Variants in TENM2 observed in about 807,000 individuals in gnomAD.
TENM2 encodes teneurin-2.
In TENM2, 52 loss-of-function variants were observed where a neutral mutation model predicts 245.2. The observed-to-expected ratio is 0.21, with a 90% CI of 0.17 to 0.27. TENM2 has a LOEUF of 0.27. Among genes scored for constraint, TENM2 ranks in the 10% least tolerant of loss-of-function variants. TENM2 has a pLI of 1.00. For synonymous variants in TENM2, 1,363 were observed against 1,438.9 expected (o/e 0.95, Z 1.19); for missense variants, 3,046 against 3,666.8 (o/e 0.83, Z 4.37).
chr5:167,054,263 G>A, the TENM2 span, among the ~76,000 whole-genome samples: 2 of 152,240 alleles, frequency 1.3e-5, no homozygotes, highest in Middle Eastern at 3.4e-3. Context: ...CATTTCTTCA[G>A]CGTTGTATAG....
chr5:167,742,722 A>T lies in TENM2; in HGVS notation c.503-133264A>T, dbSNP rs117180513. Among the ~76,000 whole-genome samples the T allele has an allele frequency of 1.3e-3, 205 of 152,148 alleles. 2 individuals carry two copies. In the East Asian group the frequency reaches 0.028, roughly 21 times the overall value. On this transcript the variant is annotated intron_variant, in intron 2 of 28. Coordinates refer to ENST00000518659, the Ensembl canonical transcript of TENM2. The stretch of plus-strand genomic sequence containing the variant: ...TGCCTAAGCTTTGGTAGGCTGAAGC[A>T]GAAGTATCACTTGAGGCCAGGAGTT...
chr5:167,111,252 A>T, the TENM2 span, among the ~76,000 whole-genome samples: 1 of 152,206 alleles, frequency 6.6e-6, no homozygotes, highest in Admixed American at 6.5e-5. Context: ...TTAATAACCC[A>T]GAGATCAAAA....
intron 2 of TENM2, among the ~76,000 whole-genome samples, chr5:167,872,532 GAAAGAAAGAAAGAAAGAGAAAGAA>G (rs1302359602): frequency 4.6e-3 from 234 of 51,026 alleles, no homozygotes; most frequent in African/African-American, 0.012. Context: ...AAGAAAGAAA[GAAAGAAAGAAAGAAAGAGAAAGAA>G]AGAAAGAAAG....
At chr5:167,097,557 ATT>A in the TENM2 span, among the ~76,000 whole-genome samples, 2 of 152,114 alleles carry the variant, frequency 1.3e-5, no homozygotes, top group Non-Finnish European at 1.5e-5. Context: ...GTTATAATCC[ATT>A]TTGTGTATTT....
At position 168,203,841 on chromosome 5, in the gene TENM2, A is replaced by T; in HGVS notation, c.3574+9A>T. On this transcript the variant is annotated intron_variant, in intron 18 of 28. Coordinates refer to ENST00000518659, the Ensembl canonical transcript of TENM2. ...CCTCAATGTTAAAAGTGGTACGTGA[A>T]CACATCTTCTTTCCCAAATACAGCC... 6.3e-7 allele frequency: 1 copy of T among 1,595,378 alleles called. No homozygotes were observed. The highest frequency in any genetic ancestry group is 1.7e-4 in the Middle Eastern group (1 of 5,982).
the TENM2 span, among the ~76,000 whole-genome samples, chr5:167,119,865 A>C: frequency 1.3e-5 from 2 of 152,212 alleles, no homozygotes; most frequent in Non-Finnish European, 1.5e-5. Context: ...GAGAATGTGA[A>C]ATATGATACA....
intron 2 of TENM2, among the ~76,000 whole-genome samples, chr5:167,853,407 G>A (rs1200273992): frequency 2.6e-5 from 4 of 151,186 alleles, no homozygotes; most frequent in Non-Finnish European, 5.9e-5. Flanking sequence ...TAGAACTCTC[G>A]TGAGACAACC....
At chr5:167,643,420 T>C (rs1268782221) in intron 2 of TENM2, among the ~76,000 whole-genome samples, 1 of 152,240 alleles carries the variant, frequency 6.6e-6, no homozygotes, top group Non-Finnish European at 1.5e-5. Context: ...GTAATCTTTT[T>C]TGTGGTTTAA....
At chr5:167,459,911 AACACACAC>A (rs57053799) in intron 2 of TENM2, among the ~76,000 whole-genome samples, 17 of 149,574 alleles carry the variant, frequency 1.1e-4, no homozygotes, top group Admixed American at 6.7e-4. Context: ...TATAAAGATA[AACACACAC>A]ACACACACAC....
Position 168,170,232 on chromosome 5 carries a change from G to A in TENM2, c.2569+7475G>A, listed in dbSNP as rs144781066. ...AAAAAAGATAGAACCAGCTGCGCACGGTGGCTCACACCTGTAATCCCAGCA... is the reference window on the plus strand; with the variant it reads ...AAAAAAGATAGAACCAGCTGCGCACAGTGGCTCACACCTGTAATCCCAGCA... On this transcript the variant is annotated intron_variant, in intron 13 of 28. Transcript: ENST00000518659. Among the ~76,000 whole-genome samples the A allele has an allele frequency of 2.5e-3, 376 of 152,276 alleles. 2 individuals carry two copies. The highest frequency in any genetic ancestry group is 8.6e-3 in the African/African-American group (359 of 41,554).
chr5:167,520,558 A>C (rs1770685491), intron 2 of TENM2, among the ~76,000 whole-genome samples: 1 of 152,132 alleles, frequency 6.6e-6, no homozygotes, highest in African/African-American at 2.4e-5. Flanking sequence ...AAGATGAAAG[A>C]GAGGGCTGAT....
At chr5:168,013,184 C>T (rs1785383287) in intron 5 of TENM2, among the ~76,000 whole-genome samples, 1 of 152,096 alleles carries the variant, frequency 6.6e-6, no homozygotes, top group Non-Finnish European at 1.5e-5. Flanking sequence ...TATGTCTATC[C>T]CTTGTTTCAA....
At chr5:168,047,607 C>A in intron 6 of TENM2, 58 bp downstream of exon 8, 2 of 1,525,996 alleles carry the variant, frequency 1.3e-6, no homozygotes, top group Non-Finnish European at 1.8e-6. Context: ...TGAGCTCTCG[C>A]CAGCTGGTTC....
At chr5:167,672,559 C>A (rs1756027441) in intron 2 of TENM2, among the ~76,000 whole-genome samples, 1 of 152,048 alleles carries the variant, frequency 6.6e-6, no homozygotes, top group African/African-American at 2.4e-5. Flanking sequence ...TCCTCTTAGG[C>A]TTTCAGTAGA....
At chr5:168,062,380 T>C (rs865803446) in intron 7 of TENM2, 115 bp downstream of exon 9, 4 of 864,786 alleles carry the variant, frequency 4.6e-6, no homozygotes, top group South Asian at 1.8e-5. Flanking sequence ...AGATGGACAA[T>C]AAAAATGTTG....
intron 2 of TENM2, among the ~76,000 whole-genome samples, chr5:167,561,126 A>G (rs1201592349): frequency 6.6e-6 from 1 of 152,216 alleles, no homozygotes; most frequent in African/African-American, 2.4e-5. Context: ...CCTCTCAAAT[A>G]TTAATGTTGA....
chr5:167,362,974 A>G (rs1375279510), intron 1 of TENM2, among the ~76,000 whole-genome samples: 1 of 152,198 alleles, frequency 6.6e-6, no homozygotes, highest in Non-Finnish European at 1.5e-5. Context: ...GCATGTGACC[A>G]CAAGATGCAA....
At chr5:167,248,409 A>G in the TENM2 span, among the ~76,000 whole-genome samples, 1 of 152,182 alleles carries the variant, frequency 6.6e-6, no homozygotes, top group African/African-American at 2.4e-5. Context: ...GGAGGGTTCC[A>G]GAAAACACAG....
chr5:167,743,001 C>G (rs1041872066), intron 2 of TENM2, among the ~76,000 whole-genome samples: 1 of 151,506 alleles, frequency 6.6e-6, no homozygotes, highest in Non-Finnish European at 1.5e-5. Flanking sequence ...ACAACAACAA[C>G]AACAACAACA....
Sources: gnomAD v4.1 joint callset for allele counts (sites outside exome capture counted in the v4.1 genomes callset) on GRCh38, gnomAD v4.1.1 for gene constraint, MANE v1.5 for transcripts, NCBI Gene and HGNC (gene_info 2026-07-23, HGNC 2026-07-21) for gene names.